The following LRP1B variants were observed in gnomAD, a reference collection of about 807,000 sequenced individuals.
The protein encoded by LRP1B is LDL receptor related protein 1B.
Under a neutral mutation model 556.6 loss-of-function variants are expected in LRP1B, and 217 were observed. The observed-to-expected ratio is 0.39, with a 90% CI of 0.35 to 0.44. The LOEUF (loss-of-function observed/expected upper bound fraction) is 0.44, where lower values mean the gene tolerates loss of function less well. Among genes scored for constraint, LRP1B ranks in the 20% least tolerant of loss-of-function variants. LRP1B has a pLI of 1.00. For missense variants in LRP1B, 5,053 were observed against 5,620.8 expected, an observed-to-expected ratio of 0.90 and a Z score of 3.23; for synonymous variants, 2,047 against 1,865.8, an observed-to-expected ratio of 1.10 and a Z score of -2.50.
At chr2:142,060,365 T>G (rs1704860616) in intron 1 of LRP1B, among the ~76,000 whole-genome samples, 1 of 152,010 alleles carries the variant, frequency 6.6e-6, no homozygotes, top group Non-Finnish European at 1.5e-5. Context: ...AAAGGTTAAA[T>G]GCAAGAACCT....
At chr2:142,032,394 T>G (rs564438897) in intron 1 of LRP1B, among the ~76,000 whole-genome samples, 162 of 151,966 alleles carry the variant, frequency 1.1e-3, no homozygotes, top group African/African-American at 3.6e-3. Flanking sequence ...TTAACCTGTG[T>G]TAAACCACAT....
intron 11 of LRP1B, among the ~76,000 whole-genome samples, chr2:141,022,866 T>A (rs1698104809): frequency 1.3e-5 from 2 of 152,028 alleles, no homozygotes; most frequent in African/African-American, 4.8e-5. Flanking sequence ...TATTTTCTAC[T>A]ATTTATTATT....
Position 142,115,851 on chromosome 2 carries a change from TATACA to T in LRP1B, c.82+14792_82+14796del, listed in dbSNP as rs200205415. Among the ~76,000 whole-genome samples the T allele has an allele frequency of 5.7e-3, 21 of 3,672 alleles. 9 individuals are homozygous for T. The highest frequency in any genetic ancestry group is 8.2e-3 in the Non-Finnish European group (18 of 2,206). The allele number at this position is 3,672 out of a possible 152,430, so 2.4% of individuals were successfully genotyped here. On this transcript the variant is annotated intron_variant, in intron 1 of 90. Coordinates refer to ENST00000389484, the MANE Select transcript of LRP1B (RefSeq NM_018557.3). ...ATATCATATATATGTAATATATATATATACATATATATATATATGGGGGAAGTGAC... is the reference window on the plus strand; with the variant it reads ...ATATCATATATATGTAATATATATATTATATATATATATGGGGGAAGTGAC...
chr2:140,542,863 G>A (rs1408575176), intron 43 of LRP1B, among the ~76,000 whole-genome samples: 1 of 152,136 alleles, frequency 6.6e-6, no homozygotes, highest in Non-Finnish European at 1.5e-5. Flanking sequence ...ATAAGTGCGT[G>A]CACATGTGTG....
intron 2 of LRP1B, among the ~76,000 whole-genome samples, chr2:141,688,581 A>C (rs1691397348): frequency 6.6e-6 from 1 of 151,870 alleles, no homozygotes; most frequent in Admixed American, 6.6e-5. Flanking sequence ...CAAATACCTC[A>C]TTTTATAACT....
At chr2:141,907,080 C>T in intron 1 of LRP1B, among the ~76,000 whole-genome samples, 1 of 151,936 alleles carries the variant, frequency 6.6e-6, no homozygotes, top group South Asian at 2.1e-4. Flanking sequence ...TCAATACAAT[C>T]AAATGTATAG....
chr2:141,401,710 T>C (rs1490980824), intron 3 of LRP1B, among the ~76,000 whole-genome samples: 3 of 152,204 alleles, frequency 2.0e-5, no homozygotes, highest in Non-Finnish European at 4.4e-5. Flanking sequence ...AGAATCAGTT[T>C]GGCAACACCC....
intron 7 of LRP1B, among the ~76,000 whole-genome samples, chr2:141,130,179 A>G (rs1213236968): frequency 1.3e-5 from 2 of 150,870 alleles, no homozygotes; most frequent in South Asian, 2.1e-4. Context: ...AAGAAAAATT[A>G]CAATAAACAT....
intron 1 of LRP1B, among the ~76,000 whole-genome samples, chr2:141,864,089 A>G (rs184142623): frequency 6.6e-6 from 1 of 152,300 alleles, no homozygotes; most frequent in East Asian, 1.9e-4. Flanking sequence ...AACTACAACA[A>G]CAACAAAAAT....
intron 3 of LRP1B, among the ~76,000 whole-genome samples, chr2:141,344,547 T>C (rs918694469): frequency 1.3e-5 from 2 of 152,194 alleles, no homozygotes; most frequent in Non-Finnish European, 2.9e-5. Flanking sequence ...TCTATGTAAA[T>C]TCTACAACCC....
chr2:142,061,479 G>A (rs1397581366), intron 1 of LRP1B, among the ~76,000 whole-genome samples: 1 of 151,956 alleles, frequency 6.6e-6, no homozygotes, highest in Non-Finnish European at 1.5e-5. Context: ...TAAAGCATTT[G>A]TTCCATTTAA....
chr2:142,008,270 G>A (rs921171640), intron 1 of LRP1B, among the ~76,000 whole-genome samples: 3 of 152,154 alleles, frequency 2.0e-5, no homozygotes, highest in African/African-American at 7.2e-5. Flanking sequence ...CTAGGGAAAT[G>A]TTTTTCCTGG....
Position 140,314,081 on chromosome 2 carries a change from G to A in LRP1B, c.12805+854C>T, listed in dbSNP as rs148176644. Among the ~76,000 whole-genome samples, 137 of 151,980 alleles carry A rather than the reference G, an allele frequency of 9.0e-4. 3 individuals are homozygous for A. The highest frequency in any genetic ancestry group is 6.8e-3 in the South Asian group (33 of 4,826). On this transcript the variant is annotated intron_variant, in intron 83 of 90. Coordinates refer to ENST00000389484, the MANE Select transcript of LRP1B (RefSeq NM_018557.3). Reference sequence around the variant, plus strand: ...ACTTCAAAACACAGCATAAACAATAGAAGCAGTGAGAACTCCCACTAAGAT... The same window carrying A: ...ACTTCAAAACACAGCATAAACAATAAAAGCAGTGAGAACTCCCACTAAGAT...
intron 81 of LRP1B, 125 bp from the exon 82 acceptor site, chr2:140,322,213 C>CATCAG: frequency 1.1e-6 from 1 of 915,558 alleles, no homozygotes; most frequent in African/African-American, 1.7e-5. Flanking sequence ...TAAATTTCCA[C>CATCAG]TGATGTGGAG....
At chr2:140,613,829 T>A (rs1378871335) in intron 41 of LRP1B, among the ~76,000 whole-genome samples, 3 of 152,094 alleles carry the variant, frequency 2.0e-5, no homozygotes, top group African/African-American at 7.2e-5. Flanking sequence ...TTGATAATAG[T>A]CCACTGAACA....
At chr2:142,005,490 G>C (rs1268961170) in intron 1 of LRP1B, among the ~76,000 whole-genome samples, 1 of 151,938 alleles carries the variant, frequency 6.6e-6, no homozygotes, top group Non-Finnish European at 1.5e-5. Context: ...ATTTTGAATG[G>C]GGCAGGAAGC....
chr2:140,664,511 T>TTTA (rs1456541205), intron 41 of LRP1B, among the ~76,000 whole-genome samples: 1 of 152,116 alleles, frequency 6.6e-6, no homozygotes, highest in Non-Finnish European at 1.5e-5. Flanking sequence ...TGGAAAATAA[T>TTTA]TTATTTTTTA....
chr2:141,013,846 T>C, intron 13 of LRP1B, 101 bp from the exon 14 acceptor site: 1 of 599,918 alleles, frequency 1.7e-6, no homozygotes, highest in South Asian at 5.5e-5. Flanking sequence ...CAGATAATAA[T>C]CTCATATCTT....
At chr2:140,584,231 T>C (rs1558984366) in intron 43 of LRP1B, among the ~76,000 whole-genome samples, 1 of 152,058 alleles carries the variant, frequency 6.6e-6, no homozygotes, top group African/African-American at 2.4e-5. Flanking sequence ...TAATATAAGT[T>C]ATTTGAGAAT....
Sources: allele counts gnomAD v4.1 joint callset (sites outside exome capture counted in the v4.1 genomes callset), GRCh38; gene constraint gnomAD v4.1.1; transcripts MANE v1.5; gene names NCBI Gene and HGNC (gene_info 2026-07-23, HGNC 2026-07-21).